JPH3: variants seen among roughly 807,000 people sequenced by gnomAD.
The protein encoded by JPH3 is junctophilin-3.
A neutral mutation model predicts 59.6 loss-of-function variants in JPH3; 11 were observed. The observed-to-expected ratio is 0.18, with a 90% CI of 0.12 to 0.31. JPH3 has a LOEUF of 0.31. JPH3 is among the 10% of genes least tolerant of loss of function. The pLI is 1.00. For missense variants in JPH3, 1,202 were observed against 1,105.7 expected, an observed-to-expected ratio of 1.09 and a Z score of -1.24; for synonymous variants, 673 against 483.6, an observed-to-expected ratio of 1.39 and a Z score of -5.14.
intron 1 of JPH3, among the ~76,000 whole-genome samples, chr16:87,619,254 C>G (rs962350467): frequency 1.9e-4 from 28 of 149,800 alleles, no homozygotes; most frequent in African/African-American, 6.9e-4. Flanking sequence ...TCAAGGCTGC[C>G]GTGAGCTATG....
chr16:87,625,300 G>A (rs544777366), intron 1 of JPH3, among the ~76,000 whole-genome samples: 25 of 152,276 alleles, frequency 1.6e-4, no homozygotes, highest in African/African-American at 5.3e-4. Context: ...GCACACAGTC[G>A]GTGCTGGGCA....
At chr16:87,621,493 C>G (rs193104299) in intron 1 of JPH3, among the ~76,000 whole-genome samples, 50 of 152,340 alleles carry the variant, frequency 3.3e-4, no homozygotes, top group African/African-American at 1.2e-3. Flanking sequence ...TGCCTTCTTG[C>G]TCTCAGGAGC....
rs369581247 is a variant in JPH3 at position 87,644,895 on chromosome 16, G to T, written c.1020G>T (p.Gln340His). The T allele has an allele frequency of 3.7e-6, 6 of 1,613,184 alleles. No homozygotes were observed. The highest frequency in any genetic ancestry group is 5.1e-6 in the Non-Finnish European group (6 of 1,179,926). ...DGTKEEGKYK[Q>H]NILVGGKRKN... ...CCAAGGAGGAGGGCAAGTACAAGCAGAACATCCTCGTCGGCGGCAAGCGCA... is the reference window on the plus strand; with the variant it reads ...CCAAGGAGGAGGGCAAGTACAAGCATAACATCCTCGTCGGCGGCAAGCGCA... Residue 340 changes from glutamine to histidine, a missense_variant, in exon 2 of 5, where the codon CAG becomes CAT. By Grantham distance (24) the Gln-to-His change is conservative (BLOSUM62 0). Transcript: ENST00000284262.
At chr16:87,681,530 G>C in intron 2 of JPH3, among the ~76,000 whole-genome samples, 1 of 135,536 alleles carries the variant, frequency 7.4e-6, no homozygotes, top group Non-Finnish European at 1.6e-5. Context: ...TCAGGTGCGC[G>C]CGGTCGTGAC....
intron 2 of JPH3, among the ~76,000 whole-genome samples, chr16:87,677,185 T>TACACACACACACACACACAC (rs764055221): frequency 1.1e-5 from 1 of 95,158 alleles, no homozygotes; most frequent in African/African-American, 4.7e-5. Flanking sequence ...TATATATATA[T>TACACACACACACACACACAC]ACACACACAC....
At chr16:87,615,711 G>A (rs143553942) in intron 1 of JPH3, among the ~76,000 whole-genome samples, 368 of 152,364 alleles carry the variant, frequency 2.4e-3, no homozygotes, top group African/African-American at 8.0e-3. Context: ...CAGGAATGCC[G>A]GGGAGGGTCA....
intron 1 of JPH3, among the ~76,000 whole-genome samples, chr16:87,633,991 C>T (rs16943093): frequency 0.077 from 11,732 of 152,064 alleles, 1,338 homozygotes; most frequent in African/African-American, 0.25. Flanking sequence ...AACGGAGGAG[C>T]GACCCGAATA....
intron 1 of JPH3, among the ~76,000 whole-genome samples, chr16:87,621,458 C>T (rs1041429930): frequency 6.6e-6 from 1 of 152,244 alleles, no homozygotes; most frequent in African/African-American, 2.4e-5. Context: ...AGGACTGGGC[C>T]TGGGGGCTTC....
chr16:87,641,019 G>A (rs75842764), intron 1 of JPH3, among the ~76,000 whole-genome samples: 1,872 of 152,360 alleles, frequency 0.012, 35 homozygotes, highest in African/African-American at 0.043. Context: ...GCGTTCGGGT[G>A]TGGAGCAAGC....
chr16:87,609,228 G>T lies in JPH3; in HGVS notation c.382+5700G>T, dbSNP rs376251034. ...GGAGAGCAGCTCCCAGCTTGTGGAG[G>T]TGGGTTTGGGGGTGAGACTTTATTT... On this transcript the variant is annotated intron_variant, in intron 1 of 4. Transcript: ENST00000284262. 3.3e-5 allele frequency among the ~76,000 whole-genome samples: 5 copies of T among 152,328 alleles called. No individual in the cohort carries two copies. In the East Asian group the frequency reaches 9.6e-4, roughly 29 times the overall value.
chr16:87,614,083 C>T (rs568611740), intron 1 of JPH3, among the ~76,000 whole-genome samples: 12 of 152,364 alleles, frequency 7.9e-5, no homozygotes, highest in African/African-American at 2.6e-4. Context: ...GAAGCAGGGG[C>T]AGAGAGGTTT....
intron 2 of JPH3, among the ~76,000 whole-genome samples, chr16:87,676,175 C>G (rs1224803475): frequency 1.3e-5 from 2 of 152,212 alleles, no homozygotes; most frequent in African/African-American, 4.8e-5. Context: ...TGGAAATGTG[C>G]TCTTTTTATG....
At position 87,696,581 on chromosome 16, in the gene JPH3, G is replaced by A; in HGVS notation, c.2168G>A (p.Gly723Asp). 1 of 1,613,018 alleles carries A rather than the reference G, an allele frequency of 6.2e-7. No homozygotes were observed. The highest frequency in any genetic ancestry group is 8.5e-7 in the Non-Finnish European group (1 of 1,179,768). The change falls in exon 5 of 5, where the codon GGC becomes GAC. Residue 723 changes from glycine (G) to aspartate (D), a missense_variant and splice_region_variant. Gly to Asp is a moderately conservative substitution (Grantham distance 94). Transcript: ENST00000284262. ...CCTCTTCCCCTCGCTCTCTTCCAGG[G>A]CTCAGCGCCTATCCTGGTGGTCATG... ...ENGDELKSSTGSAPILVVMVI... is the reference protein window; with the variant it reads ...ENGDELKSSTDSAPILVVMVI...
At chr16:87,674,510 T>C (rs2033097639) in intron 2 of JPH3, among the ~76,000 whole-genome samples, 1 of 152,130 alleles carries the variant, frequency 6.6e-6, no homozygotes, top group Non-Finnish European at 1.5e-5. Context: ...GGGACACCCA[T>C]GACAGAGTAA....
chr16:87,657,954 C>T (rs531941114), intron 2 of JPH3, among the ~76,000 whole-genome samples: 3 of 152,304 alleles, frequency 2.0e-5, no homozygotes, highest in East Asian at 3.9e-4. Flanking sequence ...CTGTCTCTAC[C>T]AACCTGGCCT....
intron 2 of JPH3, among the ~76,000 whole-genome samples, chr16:87,682,387 A>C (rs910627463): frequency 1.3e-5 from 2 of 152,064 alleles, no homozygotes; most frequent in African/African-American, 4.8e-5. Flanking sequence ...TGCGCCCCCT[A>C]GGTGCAGGTG....
chr16:87,650,222 A>G (rs551335557), intron 2 of JPH3, among the ~76,000 whole-genome samples: 7 of 152,286 alleles, frequency 4.6e-5, no homozygotes, highest in Admixed American at 1.3e-4. Context: ...AAGCTTTTTC[A>G]TGATTATATC....
At chr16:87,675,585 T>G (rs1170751668) in intron 2 of JPH3, among the ~76,000 whole-genome samples, 1 of 152,242 alleles carries the variant, frequency 6.6e-6, no homozygotes, top group Non-Finnish European at 1.5e-5. Context: ...CCTTTCTGTG[T>G]CTGGGGCTGT....
intron 3 of JPH3, chr16:87,684,521 G>A (rs1421165180): frequency 4.1e-6 from 2 of 485,622 alleles, no homozygotes; most frequent in South Asian, 5.0e-5. Context: ...ACCGCGTGTT[G>A]CTTGCCGGCT....
Sources: allele counts gnomAD v4.1 joint callset (sites outside exome capture counted in the v4.1 genomes callset), GRCh38; gene constraint gnomAD v4.1.1; transcripts MANE v1.5; gene names NCBI Gene and HGNC (gene_info 2026-07-23, HGNC 2026-07-21).